The following STRN3 variants were observed in gnomAD, a reference collection of about 807,000 sequenced individuals.
The protein encoded by STRN3 is striatin-3.
A neutral mutation model predicts 95.6 loss-of-function variants in STRN3; 29 were observed. The ratio of observed to expected loss-of-function variants is 0.30; its 90% CI spans 0.23 to 0.41. STRN3 has a LOEUF of 0.41. STRN3 is among the 10% of genes least tolerant of loss of function. STRN3 has a pLI of 1.00. For missense variants in STRN3, 890 were observed against 972.1 expected (o/e 0.92, Z 1.12); for synonymous variants, 331 against 357.6 (o/e 0.93, Z 0.84).
At chr14:30,975,836 T>TAAAAA (rs528570710) in intron 1 of STRN3, among the ~76,000 whole-genome samples, 1 of 113,122 alleles carries the variant, frequency 8.8e-6, no homozygotes, top group African/African-American at 3.4e-5. Context: ...CCTGGCTCTT[T>TAAAAA]AAAAAAAAAA....
Position 30,929,255 on chromosome 14 carries a change from T to C in STRN3, c.1045A>G (p.Ser349Gly). 2 of 1,613,730 alleles carry C rather than the reference T, an allele frequency of 1.2e-6. No individual in the cohort carries two copies. The highest frequency in any genetic ancestry group is 1.1e-5 in the South Asian group (1 of 91,044). ...TTCTTGTACTGTTCCTTCAGTTTAC[T>C]TATTAGTCCCTGGTCTACATCCCAA... Reference protein sequence around the residue: ...EVWDVDQGLISKLKEQYKKER... With the variant: ...EVWDVDQGLIGKLKEQYKKER... Residue 349 changes from serine (S) to glycine (G), a missense_variant, in exon 8 of 18, where the codon AGT becomes GGT. Physicochemically the swap from Ser to Gly is moderately conservative, Grantham distance 56. Coordinates refer to ENST00000357479, the MANE Select transcript of STRN3 (RefSeq NM_001083893.2).
At chr14:30,925,886 G>C (rs570824435) in intron 8 of STRN3, among the ~76,000 whole-genome samples, 205 of 152,050 alleles carry the variant, frequency 1.3e-3, no homozygotes, top group South Asian at 4.2e-3. Flanking sequence ...AGCTACGTAA[G>C]GAGAACATCA....
intron 8 of STRN3, among the ~76,000 whole-genome samples, chr14:30,923,106 G>A (rs1896925509): frequency 6.6e-6 from 1 of 152,172 alleles, no homozygotes; most frequent in African/African-American, 2.4e-5. Flanking sequence ...AGTACTATGT[G>A]CTAAACGGAA....
intron 16 of STRN3, among the ~76,000 whole-genome samples, chr14:30,898,761 C>T (rs1246913380): frequency 6.6e-6 from 1 of 152,196 alleles, no homozygotes; most frequent in Admixed American, 6.5e-5. Flanking sequence ...CTAATTTTTT[C>T]CTCTTATGAC....
At chr14:30,897,444 G>T (rs1319578291) in intron 16 of STRN3, among the ~76,000 whole-genome samples, 2 of 152,100 alleles carry the variant, frequency 1.3e-5, no homozygotes, top group African/African-American at 4.8e-5. Flanking sequence ...AATTAGCTGG[G>T]TGTGGTGGTT....
chr14:30,947,347 T>C, intron 4 of STRN3, 84 bp from the exon 5 acceptor site: 4 of 1,090,758 alleles, frequency 3.7e-6, no homozygotes, highest in East Asian at 2.5e-5. Context: ...GAAAAACCCA[T>C]AATCCTATAA....
At chr14:30,992,565 TAAAAAAAAAAAAAAA>T (rs58987293) in intron 1 of STRN3, among the ~76,000 whole-genome samples, 16 of 94,094 alleles carry the variant, frequency 1.7e-4, no homozygotes, top group Non-Finnish European at 2.8e-4. Context: ...CCTGTCTCTT[TAAAAAAAAAAAAAAA>T]AAAAAAAAAA....
intron 1 of STRN3, among the ~76,000 whole-genome samples, chr14:31,014,314 G>A (rs1052911167): frequency 1.4e-4 from 22 of 152,020 alleles, no homozygotes; most frequent in Admixed American, 1.0e-3. Context: ...TCCGCCTCCC[G>A]GGTTCAAGTG....
intron 1 of STRN3, among the ~76,000 whole-genome samples, chr14:30,972,142 C>T (rs1233674007): frequency 6.6e-6 from 1 of 152,106 alleles, no homozygotes; most frequent in Non-Finnish European, 1.5e-5. Flanking sequence ...CCTCGTAAAG[C>T]AATCTTTTTC....
chr14:30,918,874 G>A, intron 9 of STRN3, 92 bp downstream of exon 9: 1 of 1,243,854 alleles, frequency 8.0e-7, no homozygotes, highest in South Asian at 2.5e-5. Context: ...ATGATCATCA[G>A]CATTTTATAA....
At chr14:31,002,482 A>T (rs1882510521) in intron 1 of STRN3, among the ~76,000 whole-genome samples, 1 of 150,902 alleles carries the variant, frequency 6.6e-6, no homozygotes, top group Non-Finnish European at 1.5e-5. Flanking sequence ...AAAAAAAAAA[A>T]AAAAAAAAAA....
chr14:30,906,598 T>G (rs919873467), intron 14 of STRN3, among the ~76,000 whole-genome samples: 1 of 152,146 alleles, frequency 6.6e-6, no homozygotes, highest in Non-Finnish European at 1.5e-5. Context: ...GTGCCTCCTG[T>G]TGTCCCTATG....
At chr14:31,012,736 A>G (rs1883027128) in intron 1 of STRN3, among the ~76,000 whole-genome samples, 1 of 152,070 alleles carries the variant, frequency 6.6e-6, no homozygotes, top group African/African-American at 2.4e-5. Flanking sequence ...TACTAAAAAT[A>G]CAAAAAAATG....
intron 16 of STRN3, among the ~76,000 whole-genome samples, chr14:30,900,451 G>T (rs1018472653): frequency 8.1e-5 from 12 of 148,946 alleles, no homozygotes; most frequent in Admixed American, 8.0e-4. Context: ...GGCGGGGGGG[G>T]GCGGTGTGTG....
At chr14:31,022,382 C>CA (rs34715212) in intron 1 of STRN3, among the ~76,000 whole-genome samples, 11,303 of 130,298 alleles carry the variant, frequency 0.087, 737 homozygotes, top group East Asian at 0.22. Flanking sequence ...GACTCCATCT[C>CA]AAAAAAAAAA....
chr14:30,938,246 T>C (rs1051311527), intron 5 of STRN3, among the ~76,000 whole-genome samples: 8 of 152,120 alleles, frequency 5.3e-5, no homozygotes, highest in African/African-American at 1.9e-4. Context: ...TTAAAGGAAC[T>C]GTATAATGAC....
chr14:30,927,749 A>C (rs1424820495), intron 8 of STRN3, among the ~76,000 whole-genome samples: 1 of 151,800 alleles, frequency 6.6e-6, no homozygotes, highest in East Asian at 1.9e-4. Context: ...TAACGCAGTA[A>C]ATCTCCGTCT....
At chr14:31,019,149 A>G (rs865868944) in intron 1 of STRN3, among the ~76,000 whole-genome samples, 4 of 149,608 alleles carry the variant, frequency 2.7e-5, no homozygotes, top group African/African-American at 9.8e-5. Context: ...TGTCTCTACT[A>G]AAAAAAAAAT....
At chr14:30,970,020 G>A (rs1880745062) in intron 1 of STRN3, among the ~76,000 whole-genome samples, 1 of 152,098 alleles carries the variant, frequency 6.6e-6, no homozygotes, top group Admixed American at 6.6e-5. Context: ...CACAGTCCCA[G>A]GGGAAAACCC....
Sources: gnomAD v4.1 joint callset for allele counts (sites outside exome capture counted in the v4.1 genomes callset) on GRCh38, gnomAD v4.1.1 for gene constraint, MANE v1.5 for transcripts, NCBI Gene and HGNC (gene_info 2026-07-23, HGNC 2026-07-21) for gene names.